ZNF48: variants seen among roughly 807,000 people sequenced by gnomAD.
ZNF48 encodes the protein zinc finger protein 48, also known as zinc finger protein 553.
Under a neutral mutation model 40.0 loss-of-function variants are expected in ZNF48, and 20 were observed. The observed-to-expected ratio is 0.50, with a 90% CI of 0.35 to 0.73. The LOEUF (loss-of-function observed/expected upper bound fraction) is 0.73. Among genes scored for constraint, ZNF48 ranks in the 30% least tolerant of loss-of-function variants. ZNF48 has a pLI of 0.01. For synonymous variants in ZNF48, 298 were observed against 329.7 expected (o/e 0.90, Z 1.04); for missense variants, 726 against 851.9 (o/e 0.85, Z 1.84).
At chr16:30,396,221 T>A (rs2049983526) in intron 2 of ZNF48, among the ~76,000 whole-genome samples, 1 of 152,178 alleles carries the variant, frequency 6.6e-6, no homozygotes, top group African/African-American at 2.4e-5. Context: ...CTGTGTCTCT[T>A]CTGGAAAACC....
At position 30,395,821 on chromosome 16, in the gene ZNF48, C is replaced by T. The variant is rs756061753; in HGVS notation, c.27C>T (p.Gly9=). 6.5e-7 allele frequency: 1 copy of T among 1,550,370 alleles called. No individual in the cohort carries two copies. Among genetic ancestry groups the T allele is most frequent in the South Asian group, 1.2e-5 (1 of 84,412 alleles). Reference sequence around the variant, plus strand: ...TGGAGCGCGCGGTAGAGCCTTGGGGCCCAGATCTCCACCGCCCGGAGGAGA... The same window carrying T: ...TGGAGCGCGCGGTAGAGCCTTGGGGTCCAGATCTCCACCGCCCGGAGGAGA... The part of the protein sequence containing the change: MERAVEPW[G]PDLHRPEERE... Residue 9 remains glycine (G), a synonymous_variant, in exon 2 of 3, where the codon GGC becomes GGT. Coordinates refer to ENST00000613509, the MANE Select transcript of ZNF48 (RefSeq NM_001214909.2). The surrounding 1 kb of genome is among the most constrained non-coding windows in gnomAD (Gnocchi z 5.9).
At position 30,399,135 on chromosome 16, in the gene ZNF48, G is replaced by A. The variant is rs1156876457; in HGVS notation, c.*28G>A. ...CGGTCCAGGGAGGGCGGAGGCCCAGGAGACCAAAGGGAGGGGCTCTGCCGC... is the reference window on the plus strand; with the variant it reads ...CGGTCCAGGGAGGGCGGAGGCCCAGAAGACCAAAGGGAGGGGCTCTGCCGC... On this transcript the variant is annotated 3_prime_UTR_variant, in exon 3 of 3. Coordinates refer to ENST00000613509, the MANE Select transcript of ZNF48 (RefSeq NM_001214909.2). The A allele has an allele frequency of 6.6e-7, 1 of 1,526,602 alleles. No homozygotes were observed. The highest frequency in any genetic ancestry group is 2.3e-5 in the East Asian group (1 of 44,070). The allele number at this position is 1,526,602 out of a possible 1,614,324, so 94.6% of individuals were successfully genotyped here.
At chr16:30,388,855 C>T (rs1388377656) in intron 1 of ZNF48, among the ~76,000 whole-genome samples, 5 of 152,078 alleles carry the variant, frequency 3.3e-5, no homozygotes, top group Non-Finnish European at 5.9e-5. Context: ...GACTGCGCCA[C>T]TGCACTCCAG....
In ZNF48 at chr16:30,382,730, CG is replaced by C. The variant is rs1567427008; in HGVS notation, c.-16+4321del. On this transcript the variant is annotated intron_variant, in intron 1 of 2. Coordinates refer to the ZNF48 transcript ENST00000528032. The surrounding 1 kb of genome is among the most constrained non-coding windows in gnomAD (Gnocchi z 4.8). ...GACCCCTTTGCCCATCACCTGTCTACGTACCTTCAACCCTCCATCCTTCACA... is the reference window on the plus strand; with the variant it reads ...GACCCCTTTGCCCATCACCTGTCTACTACCTTCAACCCTCCATCCTTCACA... 1 of 1,536,264 alleles carries C rather than the reference CG, an allele frequency of 6.5e-7. No individual in the cohort carries two copies. Among genetic ancestry groups the C allele is most frequent in the South Asian group, 1.2e-5 (1 of 84,056 alleles).
chr16:30,392,634 T>A (rs561519150), upstream of ZNF48, among the ~76,000 whole-genome samples: 85 of 152,342 alleles, frequency 5.6e-4, no homozygotes, highest in Non-Finnish European at 9.4e-4. Context: ...CAAAGTTAGC[T>A]GTTATCATCC....
intron 1 of ZNF48, among the ~76,000 whole-genome samples, chr16:30,383,400 A>G (rs1474494311): frequency 6.6e-6 from 1 of 152,194 alleles, no homozygotes. Context: ...CGTGTTAGCC[A>G]GGATGGTTTC....
rs200032704 is a variant in ZNF48, at chr16:30,397,536, C to G, written c.286C>G (p.Arg96Gly). Residue 96 changes from arginine (R) to glycine (G), a missense_variant, in exon 3 of 3, where the codon CGG (arginine) becomes GGG (glycine). Transcript: ENST00000613509. The surrounding 1 kb of genome is among the most constrained non-coding windows in gnomAD (Gnocchi z 4.1). Reference sequence around the variant, plus strand: ...GCCTCAGCCTCGGGACAGAGGCCCCCGGCTCCTGGGTGAACCACGCTGGGG... The same window carrying G: ...GCCTCAGCCTCGGGACAGAGGCCCCGGGCTCCTGGGTGAACCACGCTGGGG... The part of the protein sequence containing the change: ...GKPQPRDRGP[R>G]LLGEPRWGQA... 1 of 1,613,968 alleles carries G rather than the reference C, an allele frequency of 6.2e-7. No individual in the cohort carries two copies. The highest frequency in any genetic ancestry group is 8.5e-7 in the Non-Finnish European group (1 of 1,180,006).
At chr16:30,384,993 A>G (rs778406275) in intron 1 of ZNF48, among the ~76,000 whole-genome samples, 126 of 152,116 alleles carry the variant, frequency 8.3e-4, no homozygotes, top group Non-Finnish European at 1.4e-3. Context: ...CCTGAGCAAC[A>G]TGGAGAAACC....
intron 1 of ZNF48, among the ~76,000 whole-genome samples, chr16:30,386,722 T>C (rs1454489777): frequency 1.3e-5 from 2 of 151,964 alleles, no homozygotes; most frequent in Non-Finnish European, 2.9e-5. Flanking sequence ...TGGAGTGCAA[T>C]GGTGTGATCT....
At position 30,398,799 on chromosome 16, in the gene ZNF48, C is replaced by G; in HGVS notation, c.1549C>G (p.Pro517Ala). The change falls in exon 3 of 3, where the codon CCA (proline) becomes GCA (alanine). Residue 517 changes from proline to alanine, a missense_variant. Transcript: ENST00000613509. This position sits in a 1 kb window ranked among gnomAD's most constrained non-coding sequence, Gnocchi z 6.6. ...RPPPPSTLLR[P>A]HNPPGPVPMA... is the part of the protein sequence containing the mutation. ...ACCACCACCATCCACTCTGCTGCGG[C>G]CACATAACCCACCTGGCCCAGTACC... The G allele has an allele frequency of 6.2e-7, 1 of 1,613,744 alleles. No homozygotes were observed. The highest frequency in any genetic ancestry group is 8.5e-7 in the Non-Finnish European group (1 of 1,180,022).
At position 30,398,427 on chromosome 16, in the gene ZNF48, C is replaced by A. The variant is rs757131641; in HGVS notation, c.1177C>A (p.Pro393Thr). The A allele has an allele frequency of 1.1e-5, 18 of 1,604,336 alleles. No homozygotes were observed. In the South Asian group the frequency reaches 1.9e-4, roughly 17 times the overall value. The change falls in exon 3 of 3, where the codon CCC (proline) becomes ACC (threonine). Residue 393 changes from proline (P) to threonine (T), a missense_variant. Pro to Thr is a conservative substitution (Grantham distance 38, BLOSUM62 -1). Transcript: ENST00000613509. This position sits in a 1 kb window ranked among gnomAD's most constrained non-coding sequence, Gnocchi z 6.6. ...CCAGGACTTCAGCTTCCCAGGCTAT[C>A]CCCTACCCGCTCTGATCCCCAGCCC... Reference protein sequence around the residue: ...EPQDFSFPGYPLPALIPSPPP... With the variant: ...EPQDFSFPGYTLPALIPSPPP...
At chr16:30,379,206 C>T (rs376448850) in intron 1 of ZNF48, 1 of 1,612,822 alleles carries the variant, frequency 6.2e-7, no homozygotes, top group Non-Finnish European at 8.5e-7. Context: ...CGGCGCGGAC[C>T]AGCGAACGTC....
Position 30,395,847 on chromosome 16 carries a change from G to A in ZNF48, c.53G>A (p.Arg18Lys). 1 of 1,547,820 alleles carries A rather than the reference G, an allele frequency of 6.5e-7. No individual in the cohort carries two copies. The highest frequency in any genetic ancestry group is 8.7e-7 in the Non-Finnish European group (1 of 1,151,626). The change falls in exon 2 of 3, where the codon AGG becomes AAG. Residue 18 changes from arginine (R) to lysine (K), a missense_variant. Physicochemically the swap from Arg to Lys is conservative, Grantham distance 26. Around this residue, in one of 5 missense-constraint regions of ZNF48, gnomAD observed 151 missense variants for 162.3 expected, o/e 0.93. Coordinates refer to ENST00000613509, the MANE Select transcript of ZNF48 (RefSeq NM_001214909.2). The surrounding 1 kb of genome is among the most constrained non-coding windows in gnomAD (Gnocchi z 5.9). ...CCAGATCTCCACCGCCCGGAGGAGA[G>A]GGAGCCACAGAGAGGCGCCCGCACA... ...WGPDLHRPEE[R>K]EPQRGARTGL...
intron 1 of ZNF48, among the ~76,000 whole-genome samples, chr16:30,389,637 C>T (rs891726136): frequency 1.3e-5 from 2 of 148,922 alleles, no homozygotes; most frequent in African/African-American, 4.9e-5. Flanking sequence ...TATGAATTAA[C>T]AGTGACACCA....
rs2050029757 is a variant in ZNF48 at position 30,399,381 on chromosome 16, A to G, written c.*274A>G. The G allele has an allele frequency of 2.9e-6, 1 of 341,116 alleles. No homozygotes were observed. Among genetic ancestry groups the G allele is most frequent in the Non-Finnish European group, 5.4e-6 (1 of 186,224 alleles). 21.1% of individuals were successfully genotyped at this position (341,116 alleles called of 1,614,324 possible). ...CATTCAATACTTGTTGAATAAATAA[A>G]CTGGCTTTCACCTAAGGACTCAACC... On this transcript the variant is annotated 3_prime_UTR_variant, in exon 3 of 3. Transcript: ENST00000613509.
At chr16:30,390,418 TA>T (rs1192796249), upstream of ZNF48, among the ~76,000 whole-genome samples, 1 of 152,000 alleles carries the variant, frequency 6.6e-6, no homozygotes, top group African/African-American at 2.4e-5. Flanking sequence ...TTTATTTATT[TA>T]TTTTTTTTGA....
chr16:30,379,539 A>G (rs777598329), intron 1 of ZNF48: 13 of 1,591,702 alleles, frequency 8.2e-6, no homozygotes, highest in Non-Finnish European at 1.0e-5. Context: ...GCTTTCCTGG[A>G]GGGCAGGGGG....
Position 30,395,662 on chromosome 16 carries a change from C to A in ZNF48, c.-16+84C>A. The stretch of plus-strand genomic sequence containing the variant: ...GGGCAGGGGGCACCGGGAGCCGCGC[C>A]CGTACCTGGGACCCGACGCCGCCCG... On this transcript the variant is annotated intron_variant, in intron 1 of 2. Transcript: ENST00000613509. The surrounding 1 kb of genome is among the most constrained non-coding windows in gnomAD (Gnocchi z 5.9). 1 of 801,594 alleles carries A rather than the reference C, an allele frequency of 1.2e-6. No homozygotes were observed. The highest frequency in any genetic ancestry group is 1.6e-6 in the Non-Finnish European group (1 of 614,400). The allele number at this position is 801,594 out of a possible 1,614,324, so 49.7% of individuals were successfully genotyped here. A position where few individuals can be genotyped will look rare whatever the true frequency, so the allele number is the denominator to read the frequency against.
upstream of ZNF48, among the ~76,000 whole-genome samples, chr16:30,392,116 A>G (rs2151115874): frequency 6.6e-6 from 1 of 152,230 alleles, no homozygotes; most frequent in South Asian, 2.1e-4. Flanking sequence ...TCCGCCTCCC[A>G]GGTTCACGCC....
Sources: gnomAD v4.1 joint callset for allele counts (sites outside exome capture counted in the v4.1 genomes callset) on GRCh38, gnomAD v4.1.1 for gene constraint, gnomAD v4.1.1 regional missense constraint, Gnocchi (gnomAD v3.1) non-coding constraint, MANE v1.5 for transcripts, NCBI Gene and HGNC (gene_info 2026-07-23, HGNC 2026-07-21) for gene names.